Variants in CNBD1 observed in about 807,000 individuals in gnomAD.
The protein encoded by CNBD1 is cyclic nucleotide-binding domain-containing protein 1.
CNBD1 carries 71 observed loss-of-function variants against 54.4 expected under a neutral mutation model. The observed-to-expected ratio is 1.30, with a 90% CI of 1.08 to 1.59. The LOEUF is 1.59. Ranked by LOEUF, CNBD1 falls within the 40% of genes most tolerant of loss-of-function variation. The pLI, the probability that CNBD1 is intolerant of heterozygous loss-of-function variation, is 0.00. For missense variants in CNBD1, 659 were observed against 518.0 expected (o/e 1.27, Z -2.64); for synonymous variants, 182 against 170.7 (o/e 1.07, Z -0.51).
intron 1 of CNBD1, among the ~76,000 whole-genome samples, chr8:86,870,381 T>C (rs1266734659): frequency 3.3e-5 from 5 of 151,878 alleles, no homozygotes; most frequent in African/African-American, 1.2e-4. Flanking sequence ...ATTTTTTTAG[T>C]AGAGACGGGC....
chr8:87,126,175 C>A (rs546562120), intron 4 of CNBD1, among the ~76,000 whole-genome samples: 1 of 152,068 alleles, frequency 6.6e-6, no homozygotes, highest in Non-Finnish European at 1.5e-5. Context: ...GCTTTCATTT[C>A]TCTGGAGTAA....
chr8:87,355,241 G>T (rs1470907936), intron 10 of CNBD1, among the ~76,000 whole-genome samples: 2 of 152,088 alleles, frequency 1.3e-5, no homozygotes, highest in African/African-American at 4.8e-5. Flanking sequence ...TATTTCAAAA[G>T]ACTTTGTTTT....
chr8:87,302,538 G>A (rs1417188679), intron 8 of CNBD1, among the ~76,000 whole-genome samples: 1 of 151,792 alleles, frequency 6.6e-6, no homozygotes, highest in Non-Finnish European at 1.5e-5. Flanking sequence ...TATCCTGAAT[G>A]GGCAAAAACT....
chr8:87,115,102 C>T (rs1311798559), intron 4 of CNBD1, among the ~76,000 whole-genome samples: 1 of 152,110 alleles, frequency 6.6e-6, no homozygotes, highest in African/African-American at 2.4e-5. Flanking sequence ...CCTGCTTTAC[C>T]AGAGATGATA....
intron 2 of CNBD1, among the ~76,000 whole-genome samples, chr8:86,897,429 G>A (rs1479348237): frequency 1.3e-5 from 2 of 152,076 alleles, no homozygotes; most frequent in Non-Finnish European, 2.9e-5. Context: ...GAGCAGACAT[G>A]GTATGGAGTA....
intron 6 of CNBD1, among the ~76,000 whole-genome samples, chr8:87,263,904 A>G (rs1808194806): frequency 6.6e-6 from 1 of 152,204 alleles, no homozygotes; most frequent in Admixed American, 6.6e-5. Context: ...GGTACTTTAC[A>G]GTTCACAAAT....
At chr8:87,359,135 T>G (rs1435257552) in intron 10 of CNBD1, among the ~76,000 whole-genome samples, 1 of 152,170 alleles carries the variant, frequency 6.6e-6, no homozygotes, top group Non-Finnish European at 1.5e-5. Context: ...TTTTAGTCAC[T>G]TAATAGAATC....
intron 4 of CNBD1, among the ~76,000 whole-genome samples, chr8:87,031,376 G>A (rs1002264040): frequency 9.2e-5 from 14 of 152,252 alleles, no homozygotes; most frequent in African/African-American, 3.4e-4. Flanking sequence ...TCAAACTGAG[G>A]TTCAGAGAGA....
At chr8:87,056,586 C>T (rs1810421509) in intron 4 of CNBD1, among the ~76,000 whole-genome samples, 1 of 151,982 alleles carries the variant, frequency 6.6e-6, no homozygotes, top group Non-Finnish European at 1.5e-5. Flanking sequence ...TTAATAAATA[C>T]AAATCTATTT....
chr8:87,275,900 A>G (rs1808469506), intron 6 of CNBD1, among the ~76,000 whole-genome samples: 2 of 151,998 alleles, frequency 1.3e-5, no homozygotes, highest in South Asian at 2.1e-4. Flanking sequence ...TCAATGTACA[A>G]AAATCACAAG....
At chr8:87,353,535 A>G (rs1586039645) in intron 9 of CNBD1, 101 bp from the exon 10 acceptor site, 1 of 710,656 alleles carries the variant, frequency 1.4e-6, no homozygotes, top group East Asian at 3.0e-5. Flanking sequence ...TTTAAATATC[A>G]TTTAGTAAAA....
At chr8:87,320,089 G>T (rs1809486471) in intron 8 of CNBD1, among the ~76,000 whole-genome samples, 1 of 152,062 alleles carries the variant, frequency 6.6e-6, no homozygotes, top group East Asian at 1.9e-4. Flanking sequence ...AGTGTCTGCT[G>T]TTTGCATTGC....
intron 8 of CNBD1, among the ~76,000 whole-genome samples, chr8:87,318,174 C>T (rs1307947158): frequency 7.8e-6 from 1 of 128,246 alleles, no homozygotes; most frequent in African/African-American, 2.8e-5. Context: ...TAATATCTCT[C>T]TTATTTCTGG....
At chr8:87,362,459 G>A (rs529375473) in intron 10 of CNBD1, among the ~76,000 whole-genome samples, 1 of 152,168 alleles carries the variant, frequency 6.6e-6, no homozygotes, top group South Asian at 2.1e-4. Context: ...AAAAAATTTA[G>A]CAAGGGAGTT....
chr8:87,366,873 GT>G (rs1292332477), intron 10 of CNBD1, among the ~76,000 whole-genome samples: 1 of 152,028 alleles, frequency 6.6e-6, no homozygotes, highest in African/African-American at 2.4e-5. Flanking sequence ...GTTATAAACT[GT>G]TTTTTCACTA....
At chr8:87,403,167 C>T (rs2130978802) in intron 2 of CNBD1, among the ~76,000 whole-genome samples, 1 of 152,022 alleles carries the variant, frequency 6.6e-6, no homozygotes, top group Non-Finnish European at 1.5e-5. Flanking sequence ...AACATCACTA[C>T]AGCTGATGTT....
chr8:87,176,940 G>A (rs1473543863), intron 4 of CNBD1, among the ~76,000 whole-genome samples: 1 of 152,020 alleles, frequency 6.6e-6, no homozygotes, highest in African/African-American at 2.4e-5. Flanking sequence ...CTTCCTTAGA[G>A]AGAATGACAG....
At chr8:87,376,794 A>G (rs1248943308) in intron 10 of CNBD1, among the ~76,000 whole-genome samples, 2 of 151,944 alleles carry the variant, frequency 1.3e-5, no homozygotes, top group Non-Finnish European at 2.9e-5. Context: ...ACAAATACAT[A>G]GAAATTTGTA....
In CNBD1 at chr8:87,406,621, A is replaced by G. The variant is rs527651414; in HGVS notation, c.214-21925A>G. The stretch of plus-strand genomic sequence containing the variant: ...CAGCTTCCGGAGTAGCTAGGACTAC[A>G]GGCGTGTGCCACCACGCCCATCTAA... On this transcript the variant is annotated intron_variant, in intron 2 of 7. Coordinates refer to the CNBD1 transcript ENST00000521593. 3.2e-3 allele frequency among the ~76,000 whole-genome samples: 483 copies of G among 152,074 alleles called. 2 individuals are homozygous for G. Among genetic ancestry groups the G allele is most frequent in the African/African-American group, 0.011 (451 of 41,502 alleles).
Sources: allele counts gnomAD v4.1 joint callset (sites outside exome capture counted in the v4.1 genomes callset), GRCh38; gene constraint gnomAD v4.1.1; transcripts MANE v1.5; gene names NCBI Gene and HGNC (gene_info 2026-07-23, HGNC 2026-07-21).